Variants in TMCC3 observed in about 807,000 individuals in gnomAD.
TMCC3 encodes the protein transmembrane and coiled-coil domain protein 3.
A neutral mutation model predicts 40.2 loss-of-function variants in TMCC3; 28 were observed. The observed-to-expected ratio is 0.70, with a 90% CI of 0.52 to 0.95. The LOEUF (loss-of-function observed/expected upper bound fraction) is 0.95, where lower values mean the gene tolerates loss of function less well. Ranked by LOEUF, TMCC3 falls within the 40% of genes least tolerant of loss-of-function variation. The pLI is 0.00. For synonymous variants in TMCC3, 255 were observed against 248.5 expected, an observed-to-expected ratio of 1.03 and a Z score of -0.25; for missense variants, 554 against 615.2, an observed-to-expected ratio of 0.90 and a Z score of 1.05.
chr12:94,589,196 C>T (rs2068657030), intron 1 of TMCC3, among the ~76,000 whole-genome samples: 1 of 151,964 alleles, frequency 6.6e-6, no homozygotes, highest in Non-Finnish European at 1.5e-5. Context: ...TGGCCCAAGA[C>T]AGTTCTTCTT....
Position 94,580,630 on chromosome 12 carries a change from G to A in TMCC3, c.995+992C>T, listed in dbSNP as rs191941450. ...GGTGCGTATAATCCCAGCTACTCGG[G>A]AGGCTTAGGCAGGAGGATCGCTTGA... On this transcript the variant is annotated intron_variant, in intron 2 of 3. Transcript: ENST00000261226. 5.3e-5 allele frequency among the ~76,000 whole-genome samples: 8 copies of A among 152,242 alleles called. No homozygotes were observed. In the East Asian group the frequency reaches 1.5e-3, roughly 29 times the overall value.
Position 94,579,078 on chromosome 12 carries a change from T to A in TMCC3, c.996-549A>T, listed in dbSNP as rs145259828. Among the ~76,000 whole-genome samples, 14 of 152,316 alleles carry A rather than the reference T, an allele frequency of 9.2e-5. No individual in the cohort carries two copies. The East Asian group carries it at 2.7e-3, about 29-fold the overall frequency. On this transcript the variant is annotated intron_variant, in intron 2 of 3. Coordinates refer to ENST00000261226, the MANE Select transcript of TMCC3 (RefSeq NM_020698.4). Reference sequence around the variant, plus strand: ...TCAGCTCTTGGAACTTAACTGACAATACAAAATTAAGCTTATTACAAATTA... The same window carrying A: ...TCAGCTCTTGGAACTTAACTGACAAAACAAAATTAAGCTTATTACAAATTA...
intron 1 of TMCC3, among the ~76,000 whole-genome samples, chr12:94,600,535 A>G (rs2068746625): frequency 6.6e-6 from 1 of 152,116 alleles, no homozygotes; most frequent in Non-Finnish European, 1.5e-5. Context: ...GCTGGTACTT[A>G]AGCCCTGAGT....
chr12:94,604,306 G>C (rs1018567763), intron 1 of TMCC3, among the ~76,000 whole-genome samples: 2 of 152,126 alleles, frequency 1.3e-5, no homozygotes, highest in Non-Finnish European at 2.9e-5. Flanking sequence ...TGCTTACTTA[G>C]ACCAAATTGT....
chr12:94,575,267 T>C (rs1208788617), intron 3 of TMCC3, among the ~76,000 whole-genome samples: 1 of 152,232 alleles, frequency 6.6e-6, no homozygotes, highest in Non-Finnish European at 1.5e-5. Flanking sequence ...CTAGAAGCCC[T>C]GAGGATTGTG....
intron 3 of TMCC3, among the ~76,000 whole-genome samples, chr12:94,574,077 G>C (rs901757060): frequency 1.3e-5 from 2 of 152,184 alleles, no homozygotes; most frequent in African/African-American, 4.8e-5. Flanking sequence ...AGACAGCTAG[G>C]TGCCAGTAAG....
intron 1 of TMCC3, among the ~76,000 whole-genome samples, chr12:94,597,930 G>T (rs978366130): frequency 6.6e-6 from 1 of 152,104 alleles, no homozygotes; most frequent in African/African-American, 2.4e-5. Context: ...CAGAAATGAA[G>T]GAATTCTTTT....
intron 1 of TMCC3, 113 bp from the exon 2 acceptor site, chr12:94,582,651 C>T: frequency 3.0e-6 from 3 of 985,142 alleles, no homozygotes; most frequent in Middle Eastern, 3.2e-4. Flanking sequence ...TTTCGAACTA[C>T]AAGTGTCACG....
chr12:94,597,120 A>AAAAAAAAAAATAT (rs2068719307), intron 1 of TMCC3, among the ~76,000 whole-genome samples: 1 of 5,486 alleles, frequency 1.8e-4, no homozygotes, highest in African/African-American at 4.5e-4. Context: ...TCTCTATTAA[A>AAAAAAAAAAATAT]ATACATATAT....
intron 1 of TMCC3, among the ~76,000 whole-genome samples, chr12:94,599,385 C>T (rs1006737962): frequency 3.9e-5 from 6 of 152,150 alleles, no homozygotes; most frequent in South Asian, 2.1e-4. Flanking sequence ...TTGTCCCCGC[C>T]GCCCCCACAT....
intron 2 of TMCC3, among the ~76,000 whole-genome samples, chr12:94,579,105 A>T (rs1055480533): frequency 6.6e-6 from 1 of 152,266 alleles, no homozygotes; most frequent in Non-Finnish European, 1.5e-5. Flanking sequence ...TACAAATTAT[A>T]GATGGTTCAT....
chr12:94,584,816 T>C (rs1319968543), intron 1 of TMCC3, among the ~76,000 whole-genome samples: 1 of 151,800 alleles, frequency 6.6e-6, no homozygotes, highest in African/African-American at 2.4e-5. Context: ...AAACAGGATA[T>C]ATGAAAAAAG....
chr12:94,579,166 T>G (rs1156953403), intron 2 of TMCC3, among the ~76,000 whole-genome samples: 1 of 152,192 alleles, frequency 6.6e-6, no homozygotes, highest in Non-Finnish European at 1.5e-5. Flanking sequence ...GTACAAAGAT[T>G]CTCATTCCTG....
chr12:94,637,768 C>T (rs142206673), intron 1 of TMCC3, among the ~76,000 whole-genome samples: 232 of 152,230 alleles, frequency 1.5e-3, no homozygotes, highest in Non-Finnish European at 2.7e-3. Context: ...ACATGGGGAT[C>T]CTGTGCAGCA....
At chr12:94,579,936 G>A (rs1007384734) in intron 2 of TMCC3, among the ~76,000 whole-genome samples, 3 of 152,154 alleles carry the variant, frequency 2.0e-5, no homozygotes, top group Non-Finnish European at 2.9e-5. Flanking sequence ...TAGAACTGAC[G>A]TTCATACTCT....
In TMCC3 at chr12:94,581,916, G is replaced by A. The variant is rs759985469; in HGVS notation, c.701C>T (p.Ala234Val). ...GCTGCCCCCGTAGGCCCTGGCACTC[G>A]CCTCTGGCCTAAACTCCTCTAAGGA... ...KNSLEEFRPE[A>V]SARAYGGSAT... is the part of the protein sequence containing the mutation. Residue 234 changes from alanine (A) to valine (V), a missense_variant, in exon 2 of 4, where the codon GCG (alanine) becomes GTG (valine). Transcript: ENST00000261226. 6.8e-6 allele frequency: 11 copies of A among 1,614,104 alleles called. No individual in the cohort carries two copies. The highest frequency in any genetic ancestry group is 6.7e-5 in the East Asian group (3 of 44,900).
At chr12:94,578,165 A>AAAAAAAAAAG (rs1467855760) in intron 3 of TMCC3, among the ~76,000 whole-genome samples, 11,137 of 120,102 alleles carry the variant, frequency 0.093, 822 homozygotes, top group Non-Finnish European at 0.14. Context: ...AAAAAAAAAA[A>AAAAAAAAAAG]AAAGAAAAAG....
chr12:94,580,562 C>A (rs2138823831), intron 2 of TMCC3, among the ~76,000 whole-genome samples: 1 of 152,212 alleles, frequency 6.6e-6, no homozygotes, highest in East Asian at 1.9e-4. Flanking sequence ...TGGTGAAACC[C>A]CATCTCTACT....
intron 3 of TMCC3, among the ~76,000 whole-genome samples, chr12:94,573,242 G>A (rs986360996): frequency 4.6e-5 from 7 of 151,916 alleles, no homozygotes; most frequent in Admixed American, 6.6e-5. Context: ...GCCCAGCCAC[G>A]GAGGCAACAT....
Sources: allele counts gnomAD v4.1 joint callset (sites outside exome capture counted in the v4.1 genomes callset), GRCh38; gene constraint gnomAD v4.1.1; transcripts MANE v1.5; gene names NCBI Gene and HGNC (gene_info 2026-07-23, HGNC 2026-07-21).